TASP1: variants seen among roughly 807,000 people sequenced by gnomAD.
TASP1 encodes the protein threonine aspartase 1.
In TASP1, 16 loss-of-function variants were observed where a neutral mutation model predicts 56.6. That is an observed-to-expected ratio of 0.28 (90% CI 0.19 to 0.43). The LOEUF is 0.43. Among genes scored for constraint, TASP1 ranks in the 20% least tolerant of loss-of-function variants. The pLI, the probability that TASP1 is intolerant of heterozygous loss-of-function variation, is 1.00. For missense variants in TASP1, 393 were observed against 511.6 expected (o/e 0.77, Z 2.24); for synonymous variants, 179 against 184.2 (o/e 0.97, Z 0.23).
At chr20:13,307,323 A>T in the TASP1 span, among the ~76,000 whole-genome samples, 4 of 152,136 alleles carry the variant, frequency 2.6e-5, no homozygotes, top group African/African-American at 7.2e-5. Flanking sequence ...AAAAGCACAC[A>T]CGTATCATAA....
At chr20:13,326,065 G>A in the TASP1 span, among the ~76,000 whole-genome samples, 1 of 152,180 alleles carries the variant, frequency 6.6e-6, no homozygotes, top group African/African-American at 2.4e-5. Flanking sequence ...AACATGCAGT[G>A]TGTTACCTTT....
At chr20:13,309,836 C>T in the TASP1 span, among the ~76,000 whole-genome samples, 55 of 144,946 alleles carry the variant, frequency 3.8e-4, no homozygotes, top group Non-Finnish European at 6.8e-4. Context: ...AAAACATTCT[C>T]ATTTACAACA....
the TASP1 span, among the ~76,000 whole-genome samples, chr20:13,185,940 C>A: frequency 6.6e-6 from 1 of 152,136 alleles, no homozygotes; most frequent in Non-Finnish European, 1.5e-5. Flanking sequence ...CATCAGAAAA[C>A]TGACATGGCA....
the TASP1 span, among the ~76,000 whole-genome samples, chr20:13,136,513 T>C: frequency 6.6e-6 from 1 of 151,634 alleles, no homozygotes; most frequent in Non-Finnish European, 1.5e-5. Flanking sequence ...GGTGGGAGGA[T>C]CACTTGACCC....
chr20:13,274,150 A>G, the TASP1 span, among the ~76,000 whole-genome samples: 2 of 152,072 alleles, frequency 1.3e-5, no homozygotes, highest in African/African-American at 2.4e-5. Flanking sequence ...CCCATGCACC[A>G]CTGCACTTGT....
At chr20:13,588,310 A>AG (rs2047394285) in intron 4 of TASP1, among the ~76,000 whole-genome samples, 4 of 101,712 alleles carry the variant, frequency 3.9e-5, no homozygotes, top group African/African-American at 1.3e-4. Context: ...AGGAAGGAAG[A>AG]GAAAGAAAAG....
chr20:13,168,576 G>A, the TASP1 span: 1 of 152,130 alleles, frequency 6.6e-6, no homozygotes, highest in Admixed American at 6.5e-5. Context: ...CTCTTCAGTA[G>A]GGTAAAAGTC....
the TASP1 span, among the ~76,000 whole-genome samples, chr20:13,357,900 G>A: frequency 6.6e-6 from 1 of 152,212 alleles, no homozygotes; most frequent in Non-Finnish European, 1.5e-5. Context: ...CTGAGCCCAA[G>A]CCAAGCCATC....
intron 11 of TASP1, among the ~76,000 whole-genome samples, chr20:13,464,609 T>C (rs2044178646): frequency 6.6e-6 from 1 of 152,158 alleles, no homozygotes; most frequent in South Asian, 2.1e-4. Context: ...ACAACTTGGA[T>C]GAACCTTAAG....
chr20:13,365,396 G>C, the TASP1 span, among the ~76,000 whole-genome samples: 1 of 152,160 alleles, frequency 6.6e-6, no homozygotes, highest in South Asian at 2.1e-4. Flanking sequence ...ATAATAATTT[G>C]AGAGAGTTGT....
In TASP1 at chr20:13,587,308, A is replaced by G; in HGVS notation, c.345T>C (p.Cys115=). The change falls in exon 5 of 14, where the codon TGT becomes TGC. Residue 115 remains cysteine, a synonymous_variant. Coordinates refer to ENST00000337743, the MANE Select transcript of TASP1 (RefSeq NM_017714.3). ...ATTTTCCATCCATTATGCTGGCATC[A>G]CACTCAATTTCACCTAACAGATTTA... is the stretch of plus-strand genomic sequence containing the variant. The part of the protein sequence containing the change: ...SNLNLLGEIE[C]DASIMDGKSL... 6.2e-7 allele frequency: 1 copy of G among 1,613,094 alleles called. No homozygotes were observed. The highest frequency in any genetic ancestry group is 1.3e-5 in the African/African-American group (1 of 74,978).
At chr20:13,217,058 G>C in the TASP1 span, among the ~76,000 whole-genome samples, 1,257 of 152,278 alleles carry the variant, frequency 8.3e-3, 9 homozygotes, top group Non-Finnish European at 0.013. Context: ...CTCACACCCA[G>C]AAAACGTCTC....
chr20:13,238,373 T>A, the TASP1 span, among the ~76,000 whole-genome samples: 1 of 152,204 alleles, frequency 6.6e-6, no homozygotes, highest in Non-Finnish European at 1.5e-5. Context: ...CTCACTAAAA[T>A]CAGGCAAAAT....
intron 6 of TASP1, among the ~76,000 whole-genome samples, chr20:13,570,146 C>G (rs1428710042): frequency 6.6e-6 from 1 of 151,918 alleles, no homozygotes; most frequent in Non-Finnish European, 1.5e-5. Context: ...CCAAAAGTAA[C>G]TTTTAAGTCC....
chr20:13,331,276 T>C, the TASP1 span, among the ~76,000 whole-genome samples: 1 of 152,196 alleles, frequency 6.6e-6, no homozygotes, highest in Non-Finnish European at 1.5e-5. Flanking sequence ...ATTAAACATA[T>C]TTTAGTGTTC....
chr20:13,438,365 T>C lies in TASP1; in HGVS notation c.986-3211A>G, dbSNP rs1459156975. ...AAATAATGCCACATATCTACAACCA[T>C]CTGATCTTTGACAAACCTGACAAAA... On this transcript the variant is annotated intron_variant, in intron 11 of 13. Coordinates refer to ENST00000337743, the MANE Select transcript of TASP1 (RefSeq NM_017714.3). 4.6e-5 allele frequency among the ~76,000 whole-genome samples: 7 copies of C among 152,328 alleles called. No individual in the cohort carries two copies. In the East Asian group the frequency reaches 9.6e-4, roughly 21 times the overall value.
At chr20:13,312,095 A>G in the TASP1 span, among the ~76,000 whole-genome samples, 1 of 152,230 alleles carries the variant, frequency 6.6e-6, no homozygotes, top group Non-Finnish European at 1.5e-5. Flanking sequence ...ACATATATAT[A>G]TCTTAAAGTG....
Position 13,526,921 on chromosome 20 carries a change from G to T in TASP1, c.874+1512C>A, listed in dbSNP as rs137894913. Among the ~76,000 whole-genome samples, 970 of 152,206 alleles carry T rather than the reference G, an allele frequency of 6.4e-3. 28 individuals carry two copies. Among genetic ancestry groups the T allele is most frequent in the Admixed American group, 0.045 (691 of 15,268 alleles). On this transcript the variant is annotated intron_variant, in intron 10 of 13. Coordinates refer to ENST00000337743, the MANE Select transcript of TASP1 (RefSeq NM_017714.3). ...CTGTTGAACCTCATGAGTCTGATAT[G>T]TATACACAGCACCCATAGGAACATG...
chr20:13,400,940 A>G (rs2041715211), intron 13 of TASP1, among the ~76,000 whole-genome samples: 1 of 152,262 alleles, frequency 6.6e-6, no homozygotes, highest in African/African-American at 2.4e-5. Flanking sequence ...TGGATGAATC[A>G]TACTGGAATA....
Sources: allele counts gnomAD v4.1 joint callset (sites outside exome capture counted in the v4.1 genomes callset), GRCh38; gene constraint gnomAD v4.1.1; transcripts MANE v1.5; gene names NCBI Gene and HGNC (gene_info 2026-07-23, HGNC 2026-07-21).